TRAF3IP1: variants seen among roughly 807,000 people sequenced by gnomAD.
TRAF3IP1 encodes intraflagellar transport 54.
In TRAF3IP1, 53 loss-of-function variants were observed where a neutral mutation model predicts 89.9. The ratio of observed to expected loss-of-function variants is 0.59; its 90% CI spans 0.47 to 0.74. TRAF3IP1 has a LOEUF of 0.74. TRAF3IP1 is among the 30% of genes least tolerant of loss of function. The pLI is 0.00. For missense variants in TRAF3IP1, 806 were observed against 866.1 expected, an observed-to-expected ratio of 0.93 and a Z score of 0.87; for synonymous variants, 311 against 322.1, an observed-to-expected ratio of 0.97 and a Z score of 0.37.
At chr2:238,327,555 G>T (rs1697900328) in intron 3 of TRAF3IP1, among the ~76,000 whole-genome samples, 1 of 152,056 alleles carries the variant, frequency 6.6e-6, no homozygotes, top group Non-Finnish European at 1.5e-5. Context: ...CAGATCAGTG[G>T]TTTTTTACCC....
Position 238,399,072 on chromosome 2 carries a change from G to A in TRAF3IP1, c.*153G>A. The A allele has an allele frequency of 5.9e-6, 4 of 677,724 alleles. No individual in the cohort carries two copies. The highest frequency in any genetic ancestry group is 9.4e-6 in the Non-Finnish European group (4 of 427,788). 42.0% of individuals were successfully genotyped at this position (677,724 alleles called of 1,614,324 possible). ...AATTTTCAGAGCTTTAAAACTGTAAGCATGTTAAGTGTATTAAAAAAACCA... is the reference window on the plus strand; with the variant it reads ...AATTTTCAGAGCTTTAAAACTGTAAACATGTTAAGTGTATTAAAAAAACCA... On this transcript the variant is annotated 3_prime_UTR_variant, in exon 17 of 17. Coordinates refer to ENST00000373327, the MANE Select transcript of TRAF3IP1 (RefSeq NM_015650.4).
At chr2:238,387,515 T>G (rs77724283) in intron 15 of TRAF3IP1, among the ~76,000 whole-genome samples, 1 of 152,334 alleles carries the variant, frequency 6.6e-6, no homozygotes, top group East Asian at 1.9e-4. Flanking sequence ...TGAAAACGGT[T>G]TGGCATTACA....
chr2:238,368,033 C>T (rs780468276), intron 15 of TRAF3IP1, among the ~76,000 whole-genome samples: 2 of 151,036 alleles, frequency 1.3e-5, no homozygotes, highest in African/African-American at 2.4e-5. Context: ...TATTTTTGTC[C>T]TTTCCAAAAC....
chr2:238,325,494 T>G, intron 2 of TRAF3IP1, 120 bp downstream of exon 2: 8 of 1,009,314 alleles, frequency 7.9e-6, no homozygotes, highest in Non-Finnish European at 1.5e-6. Context: ...ACAAGGTCAG[T>G]GAATTCGTAA....
At chr2:238,370,135 CT>C (rs1418531040) in intron 15 of TRAF3IP1, among the ~76,000 whole-genome samples, 3 of 152,044 alleles carry the variant, frequency 2.0e-5, no homozygotes, top group Non-Finnish European at 4.4e-5. Flanking sequence ...GTGAACAGAG[CT>C]AGAGGGGGAA....
At chr2:238,335,388 C>T (rs755167061) in intron 7 of TRAF3IP1, among the ~76,000 whole-genome samples, 1 of 152,192 alleles carries the variant, frequency 6.6e-6, no homozygotes, top group Non-Finnish European at 1.5e-5. Flanking sequence ...GAATGCTTCT[C>T]TCCTGCTCTG....
chr2:238,322,418 G>A (rs1420678562), intron 1 of TRAF3IP1, among the ~76,000 whole-genome samples: 4 of 152,226 alleles, frequency 2.6e-5, no homozygotes, highest in African/African-American at 7.2e-5. Context: ...GCTGGGTGCT[G>A]TGGCTCACGC....
chr2:238,347,680 T>G (rs1698957273), intron 10 of TRAF3IP1, among the ~76,000 whole-genome samples: 1 of 152,144 alleles, frequency 6.6e-6, no homozygotes, highest in South Asian at 2.1e-4. Flanking sequence ...CAGGCTGGAG[T>G]GCAATGGCAT....
At position 238,330,135 on chromosome 2, in the gene TRAF3IP1, C is replaced by T. The variant is rs550805096; in HGVS notation, c.915+793C>T. 2.6e-5 allele frequency among the ~76,000 whole-genome samples: 4 copies of T among 152,136 alleles called. No individual in the cohort carries two copies. The East Asian group carries it at 5.8e-4, about 22-fold the overall frequency. On this transcript the variant is annotated intron_variant, in intron 5 of 16. Transcript: ENST00000373327. ...GCAGCCTCCACCTTAGCATTGCAAG[C>T]GGTGTTTATGCGCAGTCTGAGTTGT...
intron 15 of TRAF3IP1, among the ~76,000 whole-genome samples, chr2:238,375,962 G>A (rs1265357096): frequency 6.6e-6 from 1 of 152,028 alleles, no homozygotes; most frequent in Non-Finnish European, 1.5e-5. Context: ...CCATTGATCT[G>A]CAATGCTGTC....
At chr2:238,339,362 C>T (rs1698529825) in intron 8 of TRAF3IP1, among the ~76,000 whole-genome samples, 1 of 152,198 alleles carries the variant, frequency 6.6e-6, no homozygotes, top group Admixed American at 6.5e-5. Flanking sequence ...CTGAAGAGAG[C>T]CCCTGCCATA....
Position 238,325,978 on chromosome 2 carries a change from T to C in TRAF3IP1, c.354+8T>C, listed in dbSNP as rs1320204018. The C allele has an allele frequency of 6.2e-7, 1 of 1,606,692 alleles. No individual in the cohort carries two copies. Among genetic ancestry groups the C allele is most frequent in the African/African-American group, 1.3e-5 (1 of 74,572 alleles). On this transcript the variant is annotated splice_region_variant and intron_variant, in intron 3 of 16. Transcript: ENST00000373327. Reference sequence around the variant, plus strand: ...AAATGCTGTCTCAACAAGGTACTACTGCTGTCCTGGCATTTTGAACTTACT... The same window carrying C: ...AAATGCTGTCTCAACAAGGTACTACCGCTGTCCTGGCATTTTGAACTTACT...
intron 15 of TRAF3IP1, 71 bp downstream of exon 15, chr2:238,356,151 T>G: frequency 8.4e-7 from 1 of 1,194,406 alleles, no homozygotes. Context: ...CTTTTACAAG[T>G]TGGAGCATCT....
chr2:238,376,865 G>T (rs1208738063), intron 15 of TRAF3IP1, among the ~76,000 whole-genome samples: 1 of 152,190 alleles, frequency 6.6e-6, no homozygotes, highest in Non-Finnish European at 1.5e-5. Context: ...ACCTAATAGG[G>T]CACGGTGTGC....
At chr2:238,395,469 T>C (rs1015294611) in intron 15 of TRAF3IP1, among the ~76,000 whole-genome samples, 3 of 152,118 alleles carry the variant, frequency 2.0e-5, no homozygotes, top group African/African-American at 7.2e-5. Context: ...GACATAGACA[T>C]GGGCAAGGAC....
intron 15 of TRAF3IP1, among the ~76,000 whole-genome samples, chr2:238,377,233 T>TC (rs1202667329): frequency 2.1e-4 from 28 of 132,490 alleles, no homozygotes; most frequent in Non-Finnish European, 4.0e-4. Context: ...TGATTTTCTT[T>TC]TTTTTTTTTT....
At chr2:238,329,552 T>TAGA (rs1698021222) in intron 5 of TRAF3IP1, among the ~76,000 whole-genome samples, 1 of 152,232 alleles carries the variant, frequency 6.6e-6, no homozygotes, top group African/African-American at 2.4e-5. Flanking sequence ...CATCCCCTAA[T>TAGA]AGAAGTTTAT....
chr2:238,374,481 T>C (rs1700234544), intron 15 of TRAF3IP1, among the ~76,000 whole-genome samples: 1 of 152,224 alleles, frequency 6.6e-6, no homozygotes, highest in Admixed American at 6.5e-5. Flanking sequence ...GAAGCCAACT[T>C]GACCATGGTG....
intron 15 of TRAF3IP1, among the ~76,000 whole-genome samples, chr2:238,359,709 C>G (rs1699578379): frequency 6.6e-6 from 1 of 152,116 alleles, no homozygotes; most frequent in Admixed American, 6.5e-5. Context: ...TTTGTTTTGA[C>G]AGATACTTTC....
Sources: allele counts gnomAD v4.1 joint callset (sites outside exome capture counted in the v4.1 genomes callset), GRCh38; gene constraint gnomAD v4.1.1; transcripts MANE v1.5; gene names NCBI Gene and HGNC (gene_info 2026-07-23, HGNC 2026-07-21).